GALNT7: variants seen among roughly 807,000 people sequenced by gnomAD.
The protein encoded by GALNT7 is N-acetylgalactosaminyltransferase 7.
A neutral mutation model predicts 82.1 loss-of-function variants in GALNT7; 60 were observed. The ratio of observed to expected loss-of-function variants is 0.73; its 90% CI spans 0.59 to 0.91. The LOEUF (loss-of-function observed/expected upper bound fraction) is 0.91. Ranked by LOEUF, GALNT7 falls within the 40% of genes least tolerant of loss-of-function variation. GALNT7 has a pLI of 0.00. For synonymous variants in GALNT7, 243 were observed against 275.1 expected (o/e 0.88, Z 1.15); for missense variants, 660 against 804.2 (o/e 0.82, Z 2.17).
At chr4:173,257,850 C>T (rs950682075) in intron 2 of GALNT7, among the ~76,000 whole-genome samples, 3 of 152,170 alleles carry the variant, frequency 2.0e-5, no homozygotes, top group African/African-American at 4.8e-5. Context: ...ATTCTTAAGA[C>T]CCTGGAGATT....
intron 1 of GALNT7, among the ~76,000 whole-genome samples, chr4:173,206,054 C>G (rs1215648709): frequency 6.6e-6 from 1 of 152,066 alleles, no homozygotes; most frequent in Non-Finnish European, 1.5e-5. Context: ...AGGGGCTGGC[C>G]TGGCACTGGG....
intron 1 of GALNT7, among the ~76,000 whole-genome samples, chr4:173,171,696 T>C (rs988424793): frequency 6.6e-6 from 1 of 152,236 alleles, no homozygotes; most frequent in Non-Finnish European, 1.5e-5. Context: ...TGACCTTACA[T>C]TTCCGATCAT....
chr4:173,255,683 C>T (rs1196191886), intron 2 of GALNT7, among the ~76,000 whole-genome samples: 1 of 152,112 alleles, frequency 6.6e-6, no homozygotes, highest in African/African-American at 2.4e-5. Flanking sequence ...TTTTTGTACC[C>T]TTTCCTCCTA....
chr4:173,217,489 A>G (rs897426769), intron 1 of GALNT7, among the ~76,000 whole-genome samples: 1 of 152,230 alleles, frequency 6.6e-6, no homozygotes, highest in Admixed American at 6.5e-5. Flanking sequence ...CTACTAGAAC[A>G]TAAGGTTGAA....
intron 1 of GALNT7, among the ~76,000 whole-genome samples, chr4:173,191,227 T>G (rs1199573074): frequency 6.7e-6 from 1 of 148,460 alleles, no homozygotes; most frequent in Non-Finnish European, 1.5e-5. Context: ...GGGGATGGGA[T>G]GGGGGGGGTA....
At chr4:173,236,958 C>G (rs1242542430) in intron 1 of GALNT7, among the ~76,000 whole-genome samples, 1 of 152,196 alleles carries the variant, frequency 6.6e-6, no homozygotes, top group Non-Finnish European at 1.5e-5. Context: ...CAGAGTATCA[C>G]TGAATAAGCA....
chr4:173,205,995 G>C (rs1356131467), intron 1 of GALNT7, among the ~76,000 whole-genome samples: 1 of 151,832 alleles, frequency 6.6e-6, no homozygotes, highest in Non-Finnish European at 1.5e-5. Flanking sequence ...AGACTCGGAG[G>C]CTCAGTCCAC....
intron 5 of GALNT7, among the ~76,000 whole-genome samples, chr4:173,297,630 C>T (rs571914420): frequency 5.5e-4 from 84 of 152,308 alleles, no homozygotes; most frequent in African/African-American, 2.0e-3. Context: ...CTTACGTAAA[C>T]AGGCTTTTCG....
intron 2 of GALNT7, among the ~76,000 whole-genome samples, chr4:173,277,222 C>T (rs796447261): frequency 1.3e-5 from 2 of 152,096 alleles, no homozygotes; most frequent in South Asian, 2.1e-4. Context: ...CGGGGTGGTG[C>T]GAGCTACTAG....
chr4:173,206,789 G>T (rs1373761134), intron 1 of GALNT7, among the ~76,000 whole-genome samples: 5 of 152,180 alleles, frequency 3.3e-5, no homozygotes, highest in Admixed American at 1.3e-4. Context: ...TGGAGAGAGG[G>T]TCCTTAGTGC....
At chr4:173,170,543 A>G (rs1731827617) in intron 1 of GALNT7, among the ~76,000 whole-genome samples, 1 of 152,232 alleles carries the variant, frequency 6.6e-6, no homozygotes, top group South Asian at 2.1e-4. Context: ...CATCTAAGTC[A>G]TCTAAATTGA....
chr4:173,284,086 T>C (rs112018792), intron 2 of GALNT7, among the ~76,000 whole-genome samples: 37 of 152,338 alleles, frequency 2.4e-4, no homozygotes, highest in African/African-American at 8.2e-4. Flanking sequence ...ATCAAAAAGA[T>C]TCGTTTAGTT....
intron 2 of GALNT7, among the ~76,000 whole-genome samples, chr4:173,275,529 G>T (rs376672871): frequency 2.0e-5 from 3 of 152,204 alleles, no homozygotes; most frequent in Non-Finnish European, 4.4e-5. Flanking sequence ...GCCACAAGTG[G>T]TCTGGCAGAT....
intron 8 of GALNT7, among the ~76,000 whole-genome samples, chr4:173,311,404 G>C (rs567447416): frequency 2.5e-4 from 38 of 152,298 alleles, no homozygotes; most frequent in African/African-American, 8.7e-4. Context: ...TTGAGACTCG[G>C]TAATTTATAA....
intron 1 of GALNT7, among the ~76,000 whole-genome samples, chr4:173,220,501 TA>T (rs1250406637): frequency 2.0e-5 from 3 of 152,216 alleles, no homozygotes; most frequent in East Asian, 1.9e-4. Flanking sequence ...TTTCTTTTTT[TA>T]AAAAAATTAT....
intron 1 of GALNT7, among the ~76,000 whole-genome samples, chr4:173,205,430 G>T (rs910798675): frequency 9.2e-5 from 14 of 152,170 alleles, no homozygotes; most frequent in African/African-American, 2.9e-4. Flanking sequence ...GCTGGGCTGG[G>T]CCTGGACCCT....
chr4:173,216,319 A>G (rs1733460280), intron 1 of GALNT7, among the ~76,000 whole-genome samples: 1 of 152,242 alleles, frequency 6.6e-6, no homozygotes, highest in South Asian at 2.1e-4. Context: ...TCGAATCTAC[A>G]TGAAATATAC....
At chr4:173,220,503 A>T (rs28769285) in intron 1 of GALNT7, among the ~76,000 whole-genome samples, 57,914 of 151,680 alleles carry the variant, frequency 0.38, 11,943 homozygotes, top group East Asian at 0.6. Flanking sequence ...TCTTTTTTTA[A>T]AAAAATTATT....
At position 173,171,683 on chromosome 4, in the gene GALNT7, A is replaced by G. The variant is rs190025570; in HGVS notation, c.126+2722A>G. Among the ~76,000 whole-genome samples the G allele has an allele frequency of 5.3e-5, 8 of 152,368 alleles. No homozygotes were observed. The East Asian group carries it at 1.5e-3, about 29-fold the overall frequency. On this transcript the variant is annotated intron_variant, in intron 1 of 11. Coordinates refer to ENST00000265000, the MANE Select transcript of GALNT7 (RefSeq NM_017423.3). ...CTTTCTCTGAAGTGAATGATGTGAAAAATGACCTTACATTTCCGATCATAT... is the reference window on the plus strand; with the variant it reads ...CTTTCTCTGAAGTGAATGATGTGAAGAATGACCTTACATTTCCGATCATAT...
Sources: allele counts gnomAD v4.1 joint callset (sites outside exome capture counted in the v4.1 genomes callset), GRCh38; gene constraint gnomAD v4.1.1; transcripts MANE v1.5; gene names NCBI Gene and HGNC (gene_info 2026-07-23, HGNC 2026-07-21).